The following MACROD2 variants were observed in gnomAD, a reference collection of about 807,000 sequenced individuals.
MACROD2 encodes ADP-ribose glycohydrolase MACROD2.
Under a neutral mutation model 70.4 loss-of-function variants are expected in MACROD2, and 36 were observed. The ratio of observed to expected loss-of-function variants is 0.51; its 90% CI spans 0.39 to 0.68. The LOEUF (loss-of-function observed/expected upper bound fraction) is 0.68. MACROD2 is among the 30% of genes least tolerant of loss of function. The probability of loss-of-function intolerance (pLI) is 0.00; values close to 1 mark genes in which losing one functional copy is unlikely to be tolerated. For synonymous variants in MACROD2, 172 were observed against 178.8 expected (o/e 0.96, Z 0.30); for missense variants, 496 against 538.4 (o/e 0.92, Z 0.78).
At chr20:14,832,070 T>C (rs2072975929) in intron 5 of MACROD2, among the ~76,000 whole-genome samples, 1 of 103,524 alleles carries the variant, frequency 9.7e-6, no homozygotes, top group Non-Finnish European at 1.8e-5. Context: ...TGAGAGGGAG[T>C]CTCGCTCTGT....
chr20:15,834,881 CT>C (rs2064095842), intron 8 of MACROD2, among the ~76,000 whole-genome samples: 1 of 152,202 alleles, frequency 6.6e-6, no homozygotes, highest in South Asian at 2.1e-4. Context: ...TCGCACTCCC[CT>C]CCCATTTCAA....
intron 8 of MACROD2, among the ~76,000 whole-genome samples, chr20:15,730,216 T>C (rs536480800): frequency 6.6e-6 from 1 of 152,352 alleles, no homozygotes; most frequent in South Asian, 2.1e-4. Context: ...AATACTGATA[T>C]GTACAGATTT....
chr20:15,285,227 G>A (rs905852723), intron 6 of MACROD2, among the ~76,000 whole-genome samples: 1 of 152,132 alleles, frequency 6.6e-6, no homozygotes, highest in Non-Finnish European at 1.5e-5. Flanking sequence ...GTAAAGACTG[G>A]ATTGCAGAAA....
chr20:15,855,408 CAG>C (rs1387624223), intron 8 of MACROD2, among the ~76,000 whole-genome samples: 3 of 152,182 alleles, frequency 2.0e-5, no homozygotes, highest in African/African-American at 7.2e-5. Context: ...TGAAAATACA[CAG>C]AGAGATTACC....
intron 3 of MACROD2, among the ~76,000 whole-genome samples, chr20:14,098,100 A>G (rs1459839379): frequency 3.3e-5 from 5 of 152,214 alleles, no homozygotes; most frequent in Admixed American, 6.5e-5. Flanking sequence ...TACTTCACAC[A>G]GTGCCTTATA....
chr20:15,096,459 T>TATATATAAATACGTATTTATATATATAA (rs2075833046), intron 5 of MACROD2, among the ~76,000 whole-genome samples: 2 of 148,034 alleles, frequency 1.4e-5, no homozygotes, highest in Admixed American at 1.4e-4. Flanking sequence ...TATATATAAA[T>TATATATAAATACGTATTTATATATATAA]ATATATAAAT....
intron 3 of MACROD2, among the ~76,000 whole-genome samples, chr20:14,237,528 T>G (rs2081887850): frequency 6.6e-6 from 1 of 151,230 alleles, no homozygotes; most frequent in Non-Finnish European, 1.5e-5. Context: ...TTCTATTAAT[T>G]CTTTATTTAT....
intron 3 of MACROD2, among the ~76,000 whole-genome samples, chr20:14,088,327 T>TTAAAAA (rs2054106487): frequency 8.5e-6 from 1 of 117,940 alleles, no homozygotes. Context: ...AGACTCCATC[T>TTAAAAA]AAAAAAAAAA....
intron 3 of MACROD2, among the ~76,000 whole-genome samples, chr20:14,239,058 G>T (rs1016421442): frequency 1.5e-4 from 22 of 143,448 alleles, no homozygotes; most frequent in Non-Finnish European, 2.0e-4. Flanking sequence ...AAAAAAATCA[G>T]CAGCCTTCCT....
At chr20:14,255,426 T>C (rs1230516499) in intron 3 of MACROD2, among the ~76,000 whole-genome samples, 1 of 151,374 alleles carries the variant, frequency 6.6e-6, no homozygotes, top group African/African-American at 2.4e-5. Flanking sequence ...CAGCAAACTA[T>C]CGCAGGGACA....
intron 3 of MACROD2, among the ~76,000 whole-genome samples, chr20:14,388,835 A>C (rs573207939): frequency 6.6e-6 from 1 of 152,280 alleles, no homozygotes; most frequent in Non-Finnish European, 1.5e-5. Flanking sequence ...CACTAAACTC[A>C]GTGAAAAATA....
At chr20:14,366,427 C>T (rs117498619) in intron 3 of MACROD2, among the ~76,000 whole-genome samples, 4,017 of 146,070 alleles carry the variant, frequency 0.028, 59 homozygotes, top group African/African-American at 0.036. Context: ...GAGGCAGTGG[C>T]GCAATTTTGG....
chr20:14,767,670 T>C (rs1453176408), intron 5 of MACROD2, among the ~76,000 whole-genome samples: 2 of 152,008 alleles, frequency 1.3e-5, no homozygotes, highest in East Asian at 3.9e-4. Flanking sequence ...TTTTAAGTTC[T>C]GGAGTACATA....
intron 8 of MACROD2, among the ~76,000 whole-genome samples, chr20:15,844,159 A>T (rs1271079024): frequency 6.6e-6 from 1 of 152,056 alleles, no homozygotes; most frequent in Non-Finnish European, 1.5e-5. Context: ...CAATAAAGGG[A>T]CTGACAGAAT....
At chr20:16,017,956 A>T (rs2066950798) in intron 15 of MACROD2, among the ~76,000 whole-genome samples, 1 of 152,122 alleles carries the variant, frequency 6.6e-6, no homozygotes, top group Non-Finnish European at 1.5e-5. Context: ...AGACAGATAT[A>T]ATGTTTAATT....
chr20:14,745,972 A>G (rs2123727705), intron 5 of MACROD2, among the ~76,000 whole-genome samples: 1 of 152,284 alleles, frequency 6.6e-6, no homozygotes, highest in African/African-American at 2.4e-5. Context: ...CTCTGAAGGA[A>G]CAGTTTGAAG....
chr20:15,969,498 A>G (rs2066197267), intron 13 of MACROD2, among the ~76,000 whole-genome samples: 1 of 152,204 alleles, frequency 6.6e-6, no homozygotes, highest in Admixed American at 6.5e-5. Flanking sequence ...TTCAAAACCA[A>G]TTTTACAATG....
chr20:15,911,283 T>G (rs951897650), intron 10 of MACROD2, among the ~76,000 whole-genome samples: 13 of 152,196 alleles, frequency 8.5e-5, no homozygotes, highest in African/African-American at 3.1e-4. Flanking sequence ...ACAGGGGAAG[T>G]ATCAACAGGG....
chr20:14,138,378 G>C (rs1486088702), intron 3 of MACROD2, among the ~76,000 whole-genome samples: 1 of 152,076 alleles, frequency 6.6e-6, no homozygotes, highest in African/African-American at 2.4e-5. Flanking sequence ...TGATGGATGA[G>C]TGCATACAGA....
Sources: allele counts gnomAD v4.1 joint callset (sites outside exome capture counted in the v4.1 genomes callset), GRCh38; gene constraint gnomAD v4.1.1; transcripts MANE v1.5; gene names NCBI Gene and HGNC (gene_info 2026-07-23, HGNC 2026-07-21).